The following ST13 variants were observed in gnomAD, a reference collection of about 807,000 sequenced individuals.
ST13 encodes the protein hsc70-interacting protein.
Under a neutral mutation model 56.7 loss-of-function variants are expected in ST13, and 23 were observed. That is an observed-to-expected ratio of 0.41 (90% CI 0.29 to 0.57). ST13 has a LOEUF of 0.57. Among genes scored for constraint, ST13 ranks in the 20% least tolerant of loss-of-function variants. The pLI, the probability that ST13 is intolerant of heterozygous loss-of-function variation, is 0.36. For missense variants in ST13, 369 were observed against 459.9 expected (o/e 0.80, Z 1.81); for synonymous variants, 132 against 142.4 (o/e 0.93, Z 0.52).
chr22:40,836,724 T>C (rs1701180588), intron 5 of ST13, among the ~76,000 whole-genome samples: 2 of 152,246 alleles, frequency 1.3e-5, no homozygotes, highest in Non-Finnish European at 2.9e-5. Flanking sequence ...TTTTGTCCTA[T>C]TCTCATAGTT....
At chr22:40,836,468 A>G (rs1232962545) in intron 5 of ST13, among the ~76,000 whole-genome samples, 1 of 152,116 alleles carries the variant, frequency 6.6e-6, no homozygotes, top group Non-Finnish European at 1.5e-5. Context: ...AAAATAAAAG[A>G]AAAAAGTAAA....
intron 7 of ST13, 36 bp from the exon 8 acceptor site, chr22:40,832,707 A>C: frequency 7.0e-7 from 1 of 1,438,470 alleles, no homozygotes; most frequent in Admixed American, 1.7e-5. Context: ...GGAGCCTTTT[A>C]TACATATTCA....
At position 40,830,843 on chromosome 22, in the gene ST13, C is replaced by A; in HGVS notation, c.795G>T (p.Gln265His). The A allele has an allele frequency of 6.3e-7, 1 of 1,599,628 alleles. No homozygotes were observed. ...KKAREEHERA[Q>H]REEEARRQSG... ...GGCTTAGCTATAGGAAATTTACCCT[C>A]TGGGCTCTCTCATGCTCTTCTCGAG... Residue 265 changes from glutamine (Q) to histidine (H), a missense_variant, in exon 9 of 12, where the codon CAG (glutamine) becomes CAT (histidine). By Grantham distance (24) the Gln-to-His change is conservative. Coordinates refer to ENST00000216218, the MANE Select transcript of ST13 (RefSeq NM_003932.5).
At chr22:40,844,715 C>T (rs1200236286) in intron 4 of ST13, 124 bp downstream of exon 4, 13 of 716,568 alleles carry the variant, frequency 1.8e-5, no homozygotes, top group Admixed American at 5.6e-5. Flanking sequence ...TTGCCTAAAA[C>T]GCCTGAAGTC....
In ST13 at chr22:40,856,512, C is replaced by T; in HGVS notation, c.29G>A (p.Arg10Gln). 1 of 1,613,038 alleles carries T rather than the reference C, an allele frequency of 6.2e-7. No individual in the cohort carries two copies. The highest frequency in any genetic ancestry group is 8.5e-7 in the Non-Finnish European group (1 of 1,179,726). The change falls in exon 1 of 12, where the codon CGG becomes CAG. Residue 10 changes from arginine to glutamine, a missense_variant. Physicochemically the swap from Arg to Gln is conservative, Grantham distance 43. Coordinates refer to ENST00000216218, the MANE Select transcript of ST13 (RefSeq NM_003932.5). ...CTGCTTACACATTTTCACAAAGGCC[C>T]GAAGCTCGTTCACTTTGCGGGGGTC... The part of the protein sequence containing the change: MDPRKVNEL[R>Q]AFVKMCKQDP...
intron 7 of ST13, among the ~76,000 whole-genome samples, chr22:40,833,598 A>T (rs1232050630): frequency 2.1e-5 from 3 of 145,232 alleles, no homozygotes; most frequent in Non-Finnish European, 4.5e-5. Context: ...AGGTGTGGCT[A>T]GGCGCGATGG....
Position 40,830,793 on chromosome 22 carries a change from A to C in ST13, c.798+47T>G, listed in dbSNP as rs778313406. On this transcript the variant is annotated intron_variant, in intron 9 of 11. Coordinates refer to ENST00000216218, the MANE Select transcript of ST13 (RefSeq NM_003932.5). ...AATTTTAGTGTCCTAATGCCTCTAC[A>C]TAATTTGCCGTATTTTCCTTTCATG... 3 of 1,272,498 alleles carry C rather than the reference A, an allele frequency of 2.4e-6. No homozygotes were observed. In the South Asian group the frequency reaches 3.9e-5, roughly 16 times the overall value. 78.8% of individuals were successfully genotyped at this position (1,272,498 alleles called of 1,614,324 possible).
intron 1 of ST13, among the ~76,000 whole-genome samples, chr22:40,852,663 TG>T (rs2057867912): frequency 6.6e-6 from 1 of 152,244 alleles, no homozygotes; most frequent in Non-Finnish European, 1.5e-5. Context: ...ACCCTTAATA[TG>T]GAATAGCTCC....
At chr22:40,832,011 C>G in intron 8 of ST13, 1 of 335,386 alleles carries the variant, frequency 3.0e-6, no homozygotes, top group Non-Finnish European at 5.9e-6. Flanking sequence ...CATGCCACCA[C>G]ACCTGGCTAA....
chr22:40,850,925 T>C (rs2057858154), intron 1 of ST13, 45 bp from the exon 2 acceptor site: 1 of 1,453,054 alleles, frequency 6.9e-7, no homozygotes, highest in Non-Finnish European at 9.5e-7. Context: ...AAAATTAAAA[T>C]TCACTGTCAC....
At chr22:40,841,683 T>A (rs2057805207) in intron 4 of ST13, among the ~76,000 whole-genome samples, 1 of 152,186 alleles carries the variant, frequency 6.6e-6, no homozygotes, top group South Asian at 2.1e-4. Context: ...CACGGTTCAC[T>A]GCAACCTCCA....
intron 5 of ST13, among the ~76,000 whole-genome samples, chr22:40,838,912 A>T (rs572397415): frequency 2.6e-3 from 71 of 27,822 alleles, no homozygotes; most frequent in African/African-American, 0.01. Context: ...TAGCATAAAT[A>T]AAAAAAAAAA....
chr22:40,838,225 T>C (rs1228509174), intron 5 of ST13, among the ~76,000 whole-genome samples: 3 of 152,206 alleles, frequency 2.0e-5, no homozygotes, highest in Admixed American at 2.0e-4. Flanking sequence ...CAGGTTTTAA[T>C]TACATTCTCC....
At chr22:40,843,666 A>G (rs1490849326) in intron 4 of ST13, among the ~76,000 whole-genome samples, 1 of 152,192 alleles carries the variant, frequency 6.6e-6, no homozygotes, top group Non-Finnish European at 1.5e-5. Context: ...TTGAAACAAC[A>G]TGAAGAAAGA....
At position 40,827,247 on chromosome 22, in the gene ST13, T is replaced by G. The variant is rs757299360; in HGVS notation, c.848-18A>C. 72 of 1,612,354 alleles carry G rather than the reference T, an allele frequency of 4.5e-5. No individual in the cohort carries two copies. Among genetic ancestry groups the G allele is most frequent in the Admixed American group, 1.2e-4 (7 of 59,986 alleles). The stretch of plus-strand genomic sequence containing the variant: ...AAAGCCACCTGTAATAAAAAATGAA[T>G]AGACACTAATCATACTCCCAAATAT... On this transcript the variant is annotated intron_variant, in intron 10 of 11. Coordinates refer to ENST00000216218, the MANE Select transcript of ST13 (RefSeq NM_003932.5).
chr22:40,847,524 G>A (rs922462072), intron 3 of ST13, among the ~76,000 whole-genome samples: 93 of 150,572 alleles, frequency 6.2e-4, no homozygotes, highest in African/African-American at 2.3e-3. Context: ...ACTCCAGCCT[G>A]GGCGACACAG....
intron 3 of ST13, among the ~76,000 whole-genome samples, chr22:40,846,969 T>C (rs909729120): frequency 9.9e-5 from 15 of 151,982 alleles, no homozygotes; most frequent in Non-Finnish European, 2.9e-5. Context: ...CACTCCAGCC[T>C]GGGTGGCAGA....
chr22:40,841,720 T>C (rs939688440), intron 4 of ST13, among the ~76,000 whole-genome samples: 1 of 152,060 alleles, frequency 6.6e-6, no homozygotes, highest in African/African-American at 2.4e-5. Context: ...TCCCCTCAAG[T>C]GTAGCTGGAA....
chr22:40,835,520 A>C (rs771577353), intron 7 of ST13, 40 bp downstream of exon 7: 1 of 1,512,104 alleles, frequency 6.6e-7, no homozygotes, highest in South Asian at 1.1e-5. Flanking sequence ...TCAGATTTAA[A>C]TGTAAAGAGT....
Sources: gnomAD v4.1 joint callset for allele counts (sites outside exome capture counted in the v4.1 genomes callset) on GRCh38, gnomAD v4.1.1 for gene constraint, MANE v1.5 for transcripts, NCBI Gene and HGNC (gene_info 2026-07-23, HGNC 2026-07-21) for gene names.